Variants in ABCB1 observed in about 807,000 individuals in gnomAD.
The protein encoded by ABCB1 is ATP-dependent translocase ABCB1.
ABCB1 carries 69 observed loss-of-function variants against 142.0 expected under a neutral mutation model. The observed-to-expected ratio is 0.49, with a 90% confidence interval of 0.40 to 0.59. The LOEUF is 0.59. Ranked by LOEUF, ABCB1 falls within the 20% of genes least tolerant of loss-of-function variation. The pLI is 0.00. For missense variants in ABCB1, 1,326 were observed against 1,554.7 expected, an observed-to-expected ratio of 0.85 and a Z score of 2.47; for synonymous variants, 532 against 539.2, an observed-to-expected ratio of 0.99 and a Z score of 0.18.
chr7:87,681,363 A>G (rs1002882480), intron 1 of ABCB1, among the ~76,000 whole-genome samples: 1 of 150,636 alleles, frequency 6.6e-6, no homozygotes, highest in African/African-American at 2.5e-5. Flanking sequence ...TAGACAAAAT[A>G]TTACAAGAAA....
intron 8 of ABCB1, among the ~76,000 whole-genome samples, chr7:87,558,225 T>A (rs555067798): frequency 6.6e-6 from 1 of 152,340 alleles, no homozygotes; most frequent in East Asian, 1.9e-4. Context: ...CTGATAGAAT[T>A]GGACTTCAAT....
At chr7:87,678,422 T>C (rs1826590806) in intron 1 of ABCB1, among the ~76,000 whole-genome samples, 1 of 152,200 alleles carries the variant, frequency 6.6e-6, no homozygotes, top group Non-Finnish European at 1.5e-5. Flanking sequence ...TATTAAATAT[T>C]AGGTGTTCTA....
intron 3 of ABCB1, among the ~76,000 whole-genome samples, chr7:87,586,377 A>G (rs759280318): frequency 1.7e-4 from 26 of 152,252 alleles, no homozygotes; most frequent in Admixed American, 1.4e-3. Context: ...GACACAGTTA[A>G]GAGGAATGGG....
chr7:87,530,652 G>A (rs1342177451), intron 21 of ABCB1, among the ~76,000 whole-genome samples: 1 of 151,766 alleles, frequency 6.6e-6, no homozygotes, highest in African/African-American at 2.4e-5. Context: ...TAAAAAAAAA[G>A]AAAGAGTGGT....
intron 1 of ABCB1, among the ~76,000 whole-genome samples, chr7:87,687,343 T>C (rs1025303571): frequency 6.6e-6 from 1 of 151,996 alleles, no homozygotes; most frequent in African/African-American, 2.4e-5. Flanking sequence ...CCTCATCCAT[T>C]TGAAAACTAC....
intron 7 of ABCB1, chr7:87,565,490 C>T: frequency 2.2e-6 from 1 of 454,988 alleles, no homozygotes; most frequent in Non-Finnish European, 4.4e-6. Flanking sequence ...AGCTGAAGGC[C>T]AAGGATTTAT....
chr7:87,663,265 T>C (rs1374960660), intron 1 of ABCB1, among the ~76,000 whole-genome samples: 1 of 152,184 alleles, frequency 6.6e-6, no homozygotes, highest in African/African-American at 2.4e-5. Flanking sequence ...TCTTATTTTA[T>C]TGTAAATACA....
chr7:87,549,539 T>C (rs1390598668), intron 13 of ABCB1, 21 bp from the exon 14 acceptor site: 1 of 1,614,100 alleles, frequency 6.2e-7, no homozygotes, highest in Non-Finnish European at 8.5e-7. Context: ...AAACCCAGAA[T>C]GATTTAGCAT....
intron 1 of ABCB1, among the ~76,000 whole-genome samples, chr7:87,656,358 G>A (rs979036011): frequency 2.0e-5 from 3 of 151,934 alleles, no homozygotes; most frequent in Admixed American, 6.6e-5. Flanking sequence ...TAGACAATAC[G>A]GTATGCATTA....
chr7:87,608,908 T>A (rs1819753091), intron 1 of ABCB1, among the ~76,000 whole-genome samples: 1 of 152,188 alleles, frequency 6.6e-6, no homozygotes. Flanking sequence ...TTAGGAAATA[T>A]TTTATTTTAA....
chr7:87,589,375 A>G (rs1451413518), intron 3 of ABCB1, among the ~76,000 whole-genome samples: 1 of 152,226 alleles, frequency 6.6e-6, no homozygotes. Context: ...TTGAAAATAT[A>G]ATAATTAACA....
At chr7:87,514,005 A>C (rs1049382434) in intron 25 of ABCB1, among the ~76,000 whole-genome samples, 2 of 152,208 alleles carry the variant, frequency 1.3e-5, no homozygotes, top group Non-Finnish European at 2.9e-5. Flanking sequence ...AGAAAATATA[A>C]AGCAAGAGAG....
chr7:87,534,763 A>C (rs1160947244), intron 20 of ABCB1, among the ~76,000 whole-genome samples: 1 of 151,808 alleles, frequency 6.6e-6, no homozygotes, highest in Non-Finnish European at 1.5e-5. Flanking sequence ...AAAAATTTAA[A>C]AATTAGCTCG....
upstream of ABCB1, among the ~76,000 whole-genome samples, chr7:87,604,393 A>C (rs1819572630): frequency 6.6e-6 from 1 of 152,188 alleles, no homozygotes; most frequent in African/African-American, 2.4e-5. Context: ...AAAGAGCAAG[A>C]CATATGACTC....
intron 1 of ABCB1, among the ~76,000 whole-genome samples, chr7:87,637,628 A>T (rs965756401): frequency 6.6e-6 from 1 of 152,130 alleles, no homozygotes; most frequent in East Asian, 1.9e-4. Context: ...AGATATTTTA[A>T]ATCTCTTATT....
At chr7:87,672,628 A>G (rs1038340852) in intron 1 of ABCB1, among the ~76,000 whole-genome samples, 1 of 152,156 alleles carries the variant, frequency 6.6e-6, no homozygotes, top group Non-Finnish European at 1.5e-5. Flanking sequence ...CAGGGTTTCC[A>G]TGCATGTCTG....
At chr7:87,642,031 C>T (rs774305980) in intron 1 of ABCB1, among the ~76,000 whole-genome samples, 13 of 151,802 alleles carry the variant, frequency 8.6e-5, no homozygotes, top group Admixed American at 2.0e-4. Flanking sequence ...TATACGTGGA[C>T]GATATGCTTT....
chr7:87,607,794 T>A (rs554448125), intron 1 of ABCB1, among the ~76,000 whole-genome samples: 3 of 152,336 alleles, frequency 2.0e-5, no homozygotes, highest in African/African-American at 7.2e-5. Flanking sequence ...ATGTGGCAAG[T>A]ACTTTGCTAG....
rs1823284942 is a variant in ABCB1 at position 87,648,822 on chromosome 7, A to C, written c.-330-47744T>G. ...ATTATTTTGCATGGTTTCAACTTGC[A>C]GAGTTACTGTTATGGTCCTGTACTG... On this transcript the variant is annotated intron_variant, in intron 1 of 28. Coordinates refer to the ABCB1 transcript ENST00000265724. 3.9e-5 allele frequency among the ~76,000 whole-genome samples: 6 copies of C among 152,240 alleles called. No homozygotes were observed. The South Asian group carries it at 1.2e-3, about 32-fold the overall frequency.
Sources: allele counts gnomAD v4.1 joint callset (sites outside exome capture counted in the v4.1 genomes callset), GRCh38; gene constraint gnomAD v4.1.1; transcripts MANE v1.5; gene names NCBI Gene and HGNC (gene_info 2026-07-23, HGNC 2026-07-21).